HDAC9: variants seen among roughly 807,000 people sequenced by gnomAD.
HDAC9 encodes histone deacetylase 9.
Under a neutral mutation model 139.4 loss-of-function variants are expected in HDAC9, and 41 were observed. The ratio of observed to expected loss-of-function variants is 0.29; its 90% CI spans 0.23 to 0.38. The LOEUF (loss-of-function observed/expected upper bound fraction) is 0.38. HDAC9 is among the 10% of genes least tolerant of loss of function. HDAC9 has a pLI of 1.00. For synonymous variants in HDAC9, 517 were observed against 476.2 expected (o/e 1.09, Z -1.12); for missense variants, 1,147 against 1,297.0 (o/e 0.88, Z 1.78).
intron 21 of HDAC9, among the ~76,000 whole-genome samples, chr7:18,859,852 A>ATGTGTGTGTGTGTGTGTGTGTGTGTG (rs1411117103): frequency 1.0e-4 from 13 of 124,720 alleles, no homozygotes; most frequent in South Asian, 2.6e-4. Context: ...ATATATATAT[A>ATGTGTGTGTGTGTGTGTGTGTGTGTG]TATATATGTG....
intron 22 of HDAC9, among the ~76,000 whole-genome samples, chr7:18,915,371 G>A (rs988042400): frequency 1.3e-5 from 2 of 151,832 alleles, no homozygotes; most frequent in African/African-American, 4.8e-5. Context: ...TATTGCTCTG[G>A]ATTTTCCTGT....
At chr7:18,858,442 G>A (rs1797854239) in intron 21 of HDAC9, among the ~76,000 whole-genome samples, 1 of 152,122 alleles carries the variant, frequency 6.6e-6, no homozygotes, top group Admixed American at 6.6e-5. Context: ...CAGCTCTCAT[G>A]AGAACTCAAT....
At chr7:18,773,627 T>A (rs972388454) in intron 16 of HDAC9, among the ~76,000 whole-genome samples, 3 of 151,950 alleles carry the variant, frequency 2.0e-5, no homozygotes, top group African/African-American at 4.8e-5. Flanking sequence ...GAAAATATGA[T>A]CATCTACTGA....
intron 2 of HDAC9, among the ~76,000 whole-genome samples, chr7:18,521,426 G>A (rs556326899): frequency 7.2e-5 from 11 of 152,220 alleles, no homozygotes; most frequent in Admixed American, 2.6e-4. Flanking sequence ...GATGCCTTGC[G>A]ATTTGTCACA....
chr7:18,847,256 C>T (rs972158172), intron 21 of HDAC9, among the ~76,000 whole-genome samples: 14 of 152,176 alleles, frequency 9.2e-5, no homozygotes, highest in African/African-American at 2.9e-4. Flanking sequence ...TTCACCGTTA[C>T]GCACATACAT....
At chr7:18,643,126 G>C (rs1472911536) in intron 8 of HDAC9, among the ~76,000 whole-genome samples, 1 of 151,876 alleles carries the variant, frequency 6.6e-6, no homozygotes, top group South Asian at 2.1e-4. Context: ...TCTTGTACAG[G>C]TATTCTATAC....
At chr7:18,876,696 A>G (rs1259562942) in intron 22 of HDAC9, among the ~76,000 whole-genome samples, 2 of 145,806 alleles carry the variant, frequency 1.4e-5, no homozygotes, top group African/African-American at 5.1e-5. Flanking sequence ...AAAATGGATG[A>G]GAATAGATTT....
At position 18,963,580 on chromosome 7, in the gene HDAC9, AAAT is replaced by A. The variant is rs1304717064; in HGVS notation, c.3022+9354_3022+9356del. On this transcript the variant is annotated intron_variant, in intron 24 of 25. Transcript: ENST00000686413. The stretch of plus-strand genomic sequence containing the variant: ...AAAATGGAGAAGGAGGATTACTTTC[AAAT>A]AATGATAATAGATAAAGAGTATTCA... Among the ~76,000 whole-genome samples the A allele has an allele frequency of 3.9e-5, 6 of 152,330 alleles. No individual in the cohort carries two copies. The South Asian group carries it at 1.2e-3, about 32-fold the overall frequency.
intron 24 of HDAC9, among the ~76,000 whole-genome samples, chr7:18,968,958 C>CAA (rs34379636): frequency 0.13 from 5,643 of 45,064 alleles, 644 homozygotes; most frequent in Middle Eastern, 0.23. Context: ...GCCTCCCTCT[C>CAA]AAAAAAAAAA....
chr7:18,863,328 C>T (rs1367808602), intron 21 of HDAC9, among the ~76,000 whole-genome samples: 2 of 152,208 alleles, frequency 1.3e-5, no homozygotes, highest in Non-Finnish European at 2.9e-5. Context: ...GCTTGTCCAA[C>T]CCATGGCCCA....
At chr7:18,985,499 T>C (rs578119894) in intron 25 of HDAC9, among the ~76,000 whole-genome samples, 1 of 152,298 alleles carries the variant, frequency 6.6e-6, no homozygotes, top group Admixed American at 6.5e-5. Context: ...TTCCAAGTCT[T>C]TCCTATTGTG....
chr7:18,128,720 A>C (rs1439443248), intron 1 of HDAC9, among the ~76,000 whole-genome samples: 2 of 151,474 alleles, frequency 1.3e-5, no homozygotes, highest in Non-Finnish European at 2.9e-5. Context: ...GTTTTACCTA[A>C]ATGGTAGGGG....
intron 24 of HDAC9, 49 bp from the exon 25 acceptor site, chr7:18,975,757 T>G: frequency 1.9e-6 from 3 of 1,564,966 alleles, no homozygotes; most frequent in Non-Finnish European, 2.6e-6. Context: ...TTCTGATTAT[T>G]ACTGCTGTAA....
chr7:18,319,581 C>T (rs991375819), intron 1 of HDAC9, among the ~76,000 whole-genome samples: 1 of 152,220 alleles, frequency 6.6e-6, no homozygotes. Flanking sequence ...CCATTGTAAA[C>T]TCTGTGCTAA....
chr7:18,632,747 T>G (rs1231968924), intron 7 of HDAC9, among the ~76,000 whole-genome samples: 4 of 152,008 alleles, frequency 2.6e-5, no homozygotes, highest in Non-Finnish European at 5.9e-5. Context: ...ACTACTGTAG[T>G]GACTCAGAAA....
intron 1 of HDAC9, among the ~76,000 whole-genome samples, chr7:18,430,023 A>G (rs1790494223): frequency 6.6e-6 from 1 of 152,224 alleles, no homozygotes; most frequent in African/African-American, 2.4e-5. Flanking sequence ...TTTGAAATTT[A>G]TAATAGTTCT....
intron 21 of HDAC9, among the ~76,000 whole-genome samples, chr7:18,846,402 G>C (rs1796906728): frequency 6.6e-6 from 1 of 152,224 alleles, no homozygotes. Flanking sequence ...TAATTTCTAG[G>C]ACTTACATGA....
intron 6 of HDAC9, among the ~76,000 whole-genome samples, chr7:18,603,860 A>G (rs1402137767): frequency 6.6e-6 from 1 of 152,104 alleles, no homozygotes; most frequent in Admixed American, 6.5e-5. Context: ...TTGTTTGTCC[A>G]AGAAAGTGCT....
chr7:18,564,368 A>G (rs912344364), intron 2 of HDAC9, among the ~76,000 whole-genome samples: 1 of 152,216 alleles, frequency 6.6e-6, no homozygotes, highest in Non-Finnish European at 1.5e-5. Flanking sequence ...AGTTTTATCA[A>G]GTGTGAGGTA....
Sources: allele counts gnomAD v4.1 joint callset (sites outside exome capture counted in the v4.1 genomes callset), GRCh38; gene constraint gnomAD v4.1.1; transcripts MANE v1.5; gene names NCBI Gene and HGNC (gene_info 2026-07-23, HGNC 2026-07-21).